RABEP1: variants seen among roughly 807,000 people sequenced by gnomAD.
RABEP1 encodes rab GTPase-binding effector protein 1.
Under a neutral mutation model 123.4 loss-of-function variants are expected in RABEP1, and 51 were observed. That is an observed-to-expected ratio of 0.41 (90% CI 0.33 to 0.52). The LOEUF (loss-of-function observed/expected upper bound fraction) is 0.52, where lower values mean the gene tolerates loss of function less well. RABEP1 is among the 20% of genes least tolerant of loss of function. The probability of loss-of-function intolerance (pLI) is 0.16; values close to 1 mark genes in which losing one functional copy is unlikely to be tolerated. For missense variants in RABEP1, 888 were observed against 996.3 expected, an observed-to-expected ratio of 0.89 and a Z score of 1.46; for synonymous variants, 347 against 355.2, an observed-to-expected ratio of 0.98 and a Z score of 0.26.
chr17:5,343,065 G>C (rs1296269210), intron 5 of RABEP1, among the ~76,000 whole-genome samples: 1 of 152,178 alleles, frequency 6.6e-6, no homozygotes, highest in African/African-American at 2.4e-5. Context: ...TTCGGGACCA[G>C]CCTGGCCAAC....
Position 5,381,580 on chromosome 17 carries a change from G to T in RABEP1, c.2487+75G>T, listed in dbSNP as rs1911455815. 5 of 1,525,118 alleles carry T rather than the reference G, an allele frequency of 3.3e-6. No individual in the cohort carries two copies. In the East Asian group the frequency reaches 1.2e-4, roughly 37 times the overall value. The allele number at this position is 1,525,118 out of a possible 1,614,324, so 94.5% of individuals were successfully genotyped here. ...ACAGAACCTTGCCGATCCCTGACTTGACCACTGGCAGTAGCTAGAGGTTTA... is the reference window on the plus strand; with the variant it reads ...ACAGAACCTTGCCGATCCCTGACTTTACCACTGGCAGTAGCTAGAGGTTTA... On this transcript the variant is annotated intron_variant, in intron 17 of 17. Transcript: ENST00000537505.
At chr17:5,347,274 G>C (rs1465192004) in intron 6 of RABEP1, among the ~76,000 whole-genome samples, 3 of 152,154 alleles carry the variant, frequency 2.0e-5, no homozygotes, top group African/African-American at 7.2e-5. Flanking sequence ...TCCAGGTGTG[G>C]TGATGCGCAC....
At chr17:5,307,454 G>A (rs956384390) in intron 1 of RABEP1, among the ~76,000 whole-genome samples, 2 of 152,212 alleles carry the variant, frequency 1.3e-5, no homozygotes, top group African/African-American at 4.8e-5. Context: ...AGAGGGGATA[G>A]CCTTCAAAGA....
intron 5 of RABEP1, among the ~76,000 whole-genome samples, chr17:5,345,365 A>G (rs1196107839): frequency 6.6e-6 from 1 of 152,122 alleles, no homozygotes; most frequent in Non-Finnish European, 1.5e-5. Context: ...CTTTTTGTAG[A>G]TGTCCATTTG....
rs1330137769 is a variant in RABEP1, at chr17:5,361,383, A to G, written c.1271A>G (p.Tyr424Cys). The G allele has an allele frequency of 3.1e-6, 5 of 1,614,192 alleles. No homozygotes were observed. The highest frequency in any genetic ancestry group is 1.1e-5 in the South Asian group (1 of 91,082). Reference sequence around the variant, plus strand: ...TCATTGCAATCCAAAGCTTTAGGCTATAACTACAAAGCAAAATCTGCTGGA... The same window carrying G: ...TCATTGCAATCCAAAGCTTTAGGCTGTAACTACAAAGCAAAATCTGCTGGA... ...SGSLQSKALG[Y>C]NYKAKSAGNL... Residue 424 changes from tyrosine (Y) to cysteine (C), a missense_variant, in exon 9 of 18, where the codon TAT becomes TGT. Tyr to Cys is a radical substitution (Grantham distance 194). Coordinates refer to ENST00000537505, the MANE Select transcript of RABEP1 (RefSeq NM_004703.6).
chr17:5,305,917 A>G (rs1029911610), intron 1 of RABEP1, among the ~76,000 whole-genome samples: 3 of 152,150 alleles, frequency 2.0e-5, no homozygotes, highest in South Asian at 2.1e-4. Context: ...GAGACCCTAC[A>G]TGTTAGTTCC....
At chr17:5,337,049 G>A (rs1009007418) in intron 4 of RABEP1, among the ~76,000 whole-genome samples, 7 of 152,130 alleles carry the variant, frequency 4.6e-5, no homozygotes, top group Non-Finnish European at 7.4e-5. Context: ...GTTTCTCTGC[G>A]TGTAAGTGTA....
chr17:5,310,236 T>C (rs1190636527), intron 2 of RABEP1, among the ~76,000 whole-genome samples: 2 of 151,998 alleles, frequency 1.3e-5, no homozygotes, highest in African/African-American at 2.4e-5. Context: ...AATTTTTTGC[T>C]TGAAAAGATG....
At chr17:5,363,042 T>C (rs962959992) in intron 10 of RABEP1, 26 bp downstream of exon 10, 4 of 1,541,510 alleles carry the variant, frequency 2.6e-6, no homozygotes, top group African/African-American at 2.7e-5. Context: ...ATGCGCCAAA[T>C]TGGATATTGT....
rs748365617 is a variant in RABEP1 at position 5,386,261 on chromosome 17, T to G, written c.*3038T>G. 6.2e-7 allele frequency: 1 copy of G among 1,608,790 alleles called. No individual in the cohort carries two copies. Among genetic ancestry groups the G allele is most frequent in the East Asian group, 2.2e-5 (1 of 44,782 alleles). ...GATTTGCTTCACCATTTCCCTTATATGTTCACCCCTGTAAAATTGTAAAGT... is the reference window on the plus strand; with the variant it reads ...GATTTGCTTCACCATTTCCCTTATAGGTTCACCCCTGTAAAATTGTAAAGT... On this transcript the variant is annotated 3_prime_UTR_variant, in exon 18 of 18. Coordinates refer to ENST00000537505, the MANE Select transcript of RABEP1 (RefSeq NM_004703.6).
chr17:5,302,977 G>A (rs1245790284), intron 1 of RABEP1, among the ~76,000 whole-genome samples: 2 of 152,090 alleles, frequency 1.3e-5, no homozygotes, highest in African/African-American at 4.8e-5. Flanking sequence ...TTGAGGTAGA[G>A]CAATAAAATA....
chr17:5,372,474 C>T (rs1281087184), intron 12 of RABEP1, among the ~76,000 whole-genome samples: 3 of 152,162 alleles, frequency 2.0e-5, no homozygotes, highest in Non-Finnish European at 4.4e-5. Flanking sequence ...ATAAGCTTCT[C>T]AAGTGCTCTG....
intron 1 of RABEP1, among the ~76,000 whole-genome samples, chr17:5,290,582 TTAAA>T (rs1360281914): frequency 2.6e-5 from 4 of 152,062 alleles, no homozygotes; most frequent in African/African-American, 9.7e-5. Context: ...GCATGTTAAT[TTAAA>T]TAATAATATT....
In RABEP1 at chr17:5,333,253, TC is replaced by T. The variant is rs557863396; in HGVS notation, c.367+1103del. ...TCTCGGTTCAGTGCAACCTCCGCCT[TC>T]CAGGTTCAAGCGATTCTCCTGCCTC... On this transcript the variant is annotated intron_variant, in intron 3 of 17. Transcript: ENST00000537505. 4.9e-3 allele frequency among the ~76,000 whole-genome samples: 746 copies of T among 151,904 alleles called. 10 individuals are homozygous for T. Among genetic ancestry groups the T allele is most frequent in the African/African-American group, 0.017 (706 of 41,410 alleles).
intron 5 of RABEP1, among the ~76,000 whole-genome samples, chr17:5,343,812 A>T (rs964581455): frequency 6.6e-6 from 1 of 150,460 alleles, no homozygotes. Context: ...AGTAGCTGGG[A>T]TTACAGGCGT....
At chr17:5,320,477 T>C (rs764500581) in intron 2 of RABEP1, among the ~76,000 whole-genome samples, 37 of 137,450 alleles carry the variant, frequency 2.7e-4, no homozygotes, top group Admixed American at 1.3e-3. Context: ...ATTAAGTACA[T>C]GGACAGAGTT....
chr17:5,318,669 T>G (rs978443366), intron 2 of RABEP1, among the ~76,000 whole-genome samples: 1 of 152,196 alleles, frequency 6.6e-6, no homozygotes, highest in Non-Finnish European at 1.5e-5. Flanking sequence ...CTCTATAATC[T>G]TTCAGAAGAT....
chr17:5,317,652 G>A (rs1874569355), intron 2 of RABEP1, among the ~76,000 whole-genome samples: 1 of 135,360 alleles, frequency 7.4e-6, no homozygotes, highest in Non-Finnish European at 1.6e-5. Context: ...TATATATGTA[G>A]TTTTCTGTTT....
At position 5,350,437 on chromosome 17, in the gene RABEP1, G is replaced by T; in HGVS notation, c.785-14G>T. 1.9e-6 allele frequency: 3 copies of T among 1,593,402 alleles called. No individual in the cohort carries two copies. The highest frequency in any genetic ancestry group is 2.6e-6 in the Non-Finnish European group (3 of 1,172,354). On this transcript the variant is annotated splice_polypyrimidine_tract_variant and intron_variant, in intron 6 of 17. Coordinates refer to ENST00000537505, the MANE Select transcript of RABEP1 (RefSeq NM_004703.6). ...TCAGTGTTTTTGATTTGTGGTGGGG[G>T]GGTTCCTAAACAGTTTGCCATCTCT...
Sources: gnomAD v4.1 joint callset for allele counts (sites outside exome capture counted in the v4.1 genomes callset) on GRCh38, gnomAD v4.1.1 for gene constraint, MANE v1.5 for transcripts, NCBI Gene and HGNC (gene_info 2026-07-23, HGNC 2026-07-21) for gene names.